Variants in TAOK3 observed in about 807,000 individuals in gnomAD.
TAOK3 encodes TAO kinase 3.
A neutral mutation model predicts 120.4 loss-of-function variants in TAOK3; 40 were observed. The ratio of observed to expected loss-of-function variants is 0.33; its 90% CI spans 0.26 to 0.43. The LOEUF is 0.43. TAOK3 is among the 20% of genes least tolerant of loss of function. The probability of loss-of-function intolerance (pLI) is 1.00; values close to 1 mark genes in which losing one functional copy is unlikely to be tolerated. For synonymous variants in TAOK3, 355 were observed against 387.5 expected, an observed-to-expected ratio of 0.92 and a Z score of 0.99; for missense variants, 821 against 1,112.1, an observed-to-expected ratio of 0.74 and a Z score of 3.72.
intron 1 of TAOK3, among the ~76,000 whole-genome samples, chr12:118,362,497 G>A (rs536274868): frequency 6.6e-5 from 10 of 152,000 alleles, no homozygotes; most frequent in Non-Finnish European, 1.5e-4. Flanking sequence ...CAAAAAATTC[G>A]GCATGTGAGG....
chr12:118,288,929 A>G (rs936763252), intron 1 of TAOK3, among the ~76,000 whole-genome samples: 7 of 151,392 alleles, frequency 4.6e-5, no homozygotes, highest in African/African-American at 1.7e-4. Flanking sequence ...AAAAAAAAAA[A>G]AAAAAAGAAA....
At chr12:118,228,540 T>G (rs2039617468) in intron 9 of TAOK3, among the ~76,000 whole-genome samples, 2 of 152,232 alleles carry the variant, frequency 1.3e-5, no homozygotes, top group Admixed American at 1.3e-4. Context: ...TGCAATTTTA[T>G]TTGTTCACCA....
intron 11 of TAOK3, 42 bp from the exon 12 acceptor site, chr12:118,201,505 A>G (rs2038023098): frequency 1.9e-6 from 3 of 1,579,534 alleles, no homozygotes; most frequent in South Asian, 2.3e-5. Context: ...TAATGAAGAA[A>G]TGTCCTTAGG....
chr12:118,332,037 T>C (rs1466318443), intron 1 of TAOK3, among the ~76,000 whole-genome samples: 1 of 152,192 alleles, frequency 6.6e-6, no homozygotes, highest in Non-Finnish European at 1.5e-5. Flanking sequence ...ATTGGCGAGG[T>C]TGGTCTCGAC....
At chr12:118,190,121 TAGGA>T (rs1286083063) in intron 13 of TAOK3, 180 bp from the exon 14 acceptor site, 20 of 709,116 alleles carry the variant, frequency 2.8e-5, no homozygotes, top group Non-Finnish European at 4.2e-5. Flanking sequence ...AGCCTTCAGT[TAGGA>T]ATGTCAGCTG....
intron 13 of TAOK3, among the ~76,000 whole-genome samples, chr12:118,194,714 C>G (rs2037619832): frequency 6.8e-6 from 1 of 147,664 alleles, no homozygotes. Flanking sequence ...CAGGAAGGGT[C>G]AAATAAAGCT....
chr12:118,294,258 CG>C (rs1566076983), intron 1 of TAOK3, among the ~76,000 whole-genome samples: 1 of 152,106 alleles, frequency 6.6e-6, no homozygotes, highest in Non-Finnish European at 1.5e-5. Flanking sequence ...TTTCATCCCC[CG>C]CAAACTTCCC....
intron 5 of TAOK3, among the ~76,000 whole-genome samples, chr12:118,240,858 T>A (rs2040220437): frequency 6.6e-6 from 1 of 151,902 alleles, no homozygotes; most frequent in African/African-American, 2.4e-5. Flanking sequence ...TTCCTTTCAT[T>A]AAAAAAATTA....
At chr12:118,260,203 A>G (rs1462586194) in intron 2 of TAOK3, among the ~76,000 whole-genome samples, 1 of 152,160 alleles carries the variant, frequency 6.6e-6, no homozygotes, top group East Asian at 1.9e-4. Context: ...ATCATGGCTC[A>G]TTGCAGCCTC....
chr12:118,239,524 A>G (rs1356296558), intron 5 of TAOK3, among the ~76,000 whole-genome samples: 1 of 152,334 alleles, frequency 6.6e-6, no homozygotes. Context: ...ATTCACTATA[A>G]ATGGTGAAGC....
chr12:118,198,855 G>A (rs2037878141), intron 13 of TAOK3, 196 bp downstream of exon 13: 2 of 593,232 alleles, frequency 3.4e-6, no homozygotes, highest in Non-Finnish European at 6.0e-6. Flanking sequence ...GAGAGAGGGA[G>A]ATGAAGAAAT....
At chr12:118,236,497 G>C (rs1000856025) in intron 7 of TAOK3, 5 of 152,034 alleles carry the variant, frequency 3.3e-5, no homozygotes, top group African/African-American at 1.2e-4. Flanking sequence ...TTTTAAAAAA[G>C]GCATGAGGTG....
chr12:118,192,539 G>C (rs561806872), intron 13 of TAOK3, among the ~76,000 whole-genome samples: 3 of 152,268 alleles, frequency 2.0e-5, no homozygotes, highest in African/African-American at 7.2e-5. Context: ...TTCATTTCAA[G>C]TGCATTGGGA....
At chr12:118,220,333 T>C (rs1426524342) in intron 9 of TAOK3, among the ~76,000 whole-genome samples, 1 of 152,132 alleles carries the variant, frequency 6.6e-6, no homozygotes, top group African/African-American at 2.4e-5. Flanking sequence ...TGGCCCCTAA[T>C]ACTTTTAAAT....
chr12:118,150,452 T>C lies in TAOK3; in HGVS notation c.*545A>G, dbSNP rs2034309533. 1 of 150,300 alleles carries C rather than the reference T, an allele frequency of 6.7e-6. No individual in the cohort carries two copies. Among genetic ancestry groups the C allele is most frequent in the Admixed American group, 6.7e-5 (1 of 14,822 alleles). 9.3% of individuals were successfully genotyped at this position (150,300 alleles called of 1,614,324 possible). A position where few individuals can be genotyped will look rare whatever the true frequency, so the allele number is the denominator to read the frequency against. On this transcript the variant is annotated 3_prime_UTR_variant, in exon 21 of 21. Coordinates refer to ENST00000392533, the MANE Select transcript of TAOK3 (RefSeq NM_016281.4). ...TCACAATTAGTTTCTGTAAAATGTA[T>C]CAAATTTTCAATCTTTAATAAAACT...
At chr12:118,244,778 T>A in intron 4 of TAOK3, 116 bp downstream of exon 4, 1 of 668,068 alleles carries the variant, frequency 1.5e-6, no homozygotes, top group Admixed American at 2.1e-5. Flanking sequence ...GCCGCCCACC[T>A]CGGCCTCGCA....
chr12:118,149,954 TAC>T lies in TAOK3; in HGVS notation c.*1041_*1042del, dbSNP rs1023663276. On this transcript the variant is annotated 3_prime_UTR_variant, in exon 21 of 21. Coordinates refer to ENST00000392533, the MANE Select transcript of TAOK3 (RefSeq NM_016281.4). Reference sequence around the variant, plus strand: ...TTCATCATTTTTTATTGTAAGAAAATACACAGTTTGAAAGTGTGAATAATGCA... The same window carrying T: ...TTCATCATTTTTTATTGTAAGAAAATACAGTTTGAAAGTGTGAATAATGCA... 1.3e-5 allele frequency: 2 copies of T among 151,366 alleles called. No homozygotes were observed. The highest frequency in any genetic ancestry group is 2.4e-5 in the African/African-American group (1 of 41,100). The allele number at this position is 151,366 out of a possible 1,614,324, so 9.4% of individuals were successfully genotyped here.
chr12:118,337,699 G>A (rs950510994), intron 1 of TAOK3, among the ~76,000 whole-genome samples: 3 of 152,180 alleles, frequency 2.0e-5, no homozygotes, highest in African/African-American at 7.2e-5. Flanking sequence ...TAACATTCTT[G>A]AAATGACAAA....
rs1199745856 is a variant in TAOK3, at chr12:118,372,397, C to A, written c.-194+251G>T. Among the ~76,000 whole-genome samples the A allele has an allele frequency of 6.6e-6, 1 of 151,156 alleles. No homozygotes were observed. The highest frequency in any genetic ancestry group is 6.6e-5 in the Admixed American group (1 of 15,188). On this transcript the variant is annotated intron_variant, in intron 1 of 20. Transcript: ENST00000392533. The surrounding 1 kb of genome is among the most constrained non-coding windows in gnomAD (Gnocchi z 4.6). ...TCCGGGTCCCTTCCTCTCACGCGCA[C>A]TGTCCCGGCCCCTCTTGGAGACCCC... is the stretch of plus-strand genomic sequence containing the variant.
Sources: gnomAD v4.1 joint callset for allele counts (sites outside exome capture counted in the v4.1 genomes callset) on GRCh38, gnomAD v4.1.1 for gene constraint, Gnocchi (gnomAD v3.1) non-coding constraint, MANE v1.5 for transcripts, NCBI Gene and HGNC (gene_info 2026-07-23, HGNC 2026-07-21) for gene names.